Variants in ATP2C1 observed in about 807,000 individuals in gnomAD.
The protein encoded by ATP2C1 is calcium-transporting ATPase type 2C member 1.
ATP2C1 carries 31 observed loss-of-function variants against 120.5 expected under a neutral mutation model. That is an observed-to-expected ratio of 0.26 (90% CI 0.19 to 0.35). ATP2C1 has a LOEUF of 0.35. ATP2C1 is among the 10% of genes least tolerant of loss of function. ATP2C1 has a pLI of 1.00. For missense variants in ATP2C1, 731 were observed against 1,107.5 expected, an observed-to-expected ratio of 0.66 and a Z score of 4.83; for synonymous variants, 351 against 358.7, an observed-to-expected ratio of 0.98 and a Z score of 0.24.
chr3:130,914,926 C>A (rs1403425426), intron 2 of ATP2C1, among the ~76,000 whole-genome samples: 1 of 152,136 alleles, frequency 6.6e-6, no homozygotes, highest in African/African-American at 2.4e-5. Flanking sequence ...TGTTATAATA[C>A]AGAGCAAATA....
intron 1 of ATP2C1, among the ~76,000 whole-genome samples, chr3:130,874,864 C>T (rs1026296934): frequency 4.6e-5 from 7 of 152,116 alleles, no homozygotes; most frequent in East Asian, 1.9e-4. Flanking sequence ...TAGGACTCGC[C>T]GGAGTGTGAG....
intron 10 of ATP2C1, 45 bp from the exon 11 acceptor site, chr3:130,956,059 G>C (rs2060568410): frequency 7.4e-7 from 1 of 1,349,306 alleles, no homozygotes; most frequent in East Asian, 2.3e-5. Context: ...ATAAAGCTTA[G>C]TAAATATAGC....
At chr3:130,978,107 T>A (rs543937008) in intron 18 of ATP2C1, among the ~76,000 whole-genome samples, 1 of 152,256 alleles carries the variant, frequency 6.6e-6, no homozygotes, top group South Asian at 2.1e-4. Flanking sequence ...TTTGCTGACA[T>A]ATATTTTTGT....
At chr3:130,996,265 A>G (rs2062618289) in intron 23 of ATP2C1, 154 bp downstream of exon 23, 2 of 668,326 alleles carry the variant, frequency 3.0e-6, no homozygotes, top group African/African-American at 3.6e-5. Flanking sequence ...GTATTCTGAA[A>G]TTTTAAATGG....
chr3:130,990,378 C>T (rs980214137), intron 20 of ATP2C1, among the ~76,000 whole-genome samples: 1 of 147,378 alleles, frequency 6.8e-6, no homozygotes, highest in Non-Finnish European at 1.5e-5. Context: ...TACTATTTGA[C>T]AGAAGAGGGA....
At chr3:130,883,064 A>C (rs770155289) in intron 1 of ATP2C1, among the ~76,000 whole-genome samples, 3 of 152,136 alleles carry the variant, frequency 2.0e-5, no homozygotes, top group Non-Finnish European at 4.4e-5. Context: ...TTCATGGTTC[A>C]ATCTTGGTAG....
chr3:130,996,291 G>A, intron 23 of ATP2C1, 180 bp downstream of exon 23: 1 of 623,002 alleles, frequency 1.6e-6, no homozygotes, highest in Admixed American at 2.8e-5. Context: ...TAAATAGGTT[G>A]TAAATGTAAC....
chr3:130,976,773 A>G (rs1230059642), intron 18 of ATP2C1, among the ~76,000 whole-genome samples: 1 of 152,090 alleles, frequency 6.6e-6, no homozygotes, highest in Non-Finnish European at 1.5e-5. Context: ...CTGGGGCAGG[A>G]GGAATCTCTT....
chr3:130,938,695 T>C (rs1305114936), intron 6 of ATP2C1, among the ~76,000 whole-genome samples: 4 of 152,220 alleles, frequency 2.6e-5, no homozygotes, highest in African/African-American at 7.2e-5. Flanking sequence ...GGCTAACCAT[T>C]ATTCAAGGCA....
At chr3:130,900,044 C>G (rs1391498809) in intron 2 of ATP2C1, among the ~76,000 whole-genome samples, 1 of 151,492 alleles carries the variant, frequency 6.6e-6, no homozygotes, top group Non-Finnish European at 1.5e-5. Context: ...CCTTTTTTTT[C>G]CCTTTGTGCT....
intron 1 of ATP2C1, among the ~76,000 whole-genome samples, chr3:130,854,536 T>C (rs2067775378): frequency 6.6e-6 from 1 of 152,220 alleles, no homozygotes; most frequent in African/African-American, 2.4e-5. Flanking sequence ...TACTAGAGAC[T>C]CAGCAGCCTG....
intron 12 of ATP2C1, among the ~76,000 whole-genome samples, chr3:130,961,387 G>A (rs1448697816): frequency 6.6e-6 from 1 of 151,526 alleles, no homozygotes; most frequent in Admixed American, 6.6e-5. Context: ...ATTCTGTTTT[G>A]CAGTATGGAT....
chr3:130,899,595 A>G, intron 2 of ATP2C1: 1 of 152,178 alleles, frequency 6.6e-6, no homozygotes, highest in East Asian at 1.9e-4. Flanking sequence ...ATGTTGTTAA[A>G]GAGTCAACTG....
intron 2 of ATP2C1, among the ~76,000 whole-genome samples, chr3:130,896,103 G>C (rs1043418665): frequency 6.6e-6 from 1 of 152,138 alleles, no homozygotes; most frequent in African/African-American, 2.4e-5. Context: ...TCATATACTT[G>C]TTTCTTGGTA....
At chr3:131,004,129 G>A (rs922722192), downstream of ATP2C1, among the ~76,000 whole-genome samples, 3 of 152,106 alleles carry the variant, frequency 2.0e-5, no homozygotes, top group Non-Finnish European at 4.4e-5. Context: ...AAGTAAATAG[G>A]GATCTTTGCC....
chr3:130,967,491 T>A, intron 16 of ATP2C1, 72 bp downstream of exon 16: 1 of 1,268,186 alleles, frequency 7.9e-7, no homozygotes, highest in South Asian at 1.2e-5. Context: ...GTCATCAATT[T>A]CAGTATTACT....
At chr3:130,889,963 C>T (rs1235079127), upstream of ATP2C1, among the ~76,000 whole-genome samples, 4 of 152,098 alleles carry the variant, frequency 2.6e-5, no homozygotes, top group African/African-American at 9.7e-5. Flanking sequence ...TCTTAAAAAT[C>T]CCTTAAGTCC....
intron 2 of ATP2C1, among the ~76,000 whole-genome samples, chr3:130,914,062 C>T (rs1033085082): frequency 1.3e-5 from 2 of 152,170 alleles, no homozygotes; most frequent in East Asian, 1.9e-4. Flanking sequence ...TTCCCTCCTC[C>T]TCCTCCTCCT....
At chr3:130,934,754 A>T in intron 5 of ATP2C1, 43 bp downstream of exon 5, 1 of 1,310,646 alleles carries the variant, frequency 7.6e-7, no homozygotes, top group South Asian at 1.2e-5. Context: ...GAGTAAGTGT[A>T]TAAATTGGGA....
Sources: allele counts gnomAD v4.1 joint callset (sites outside exome capture counted in the v4.1 genomes callset), GRCh38; gene constraint gnomAD v4.1.1; transcripts MANE v1.5; gene names NCBI Gene and HGNC (gene_info 2026-07-23, HGNC 2026-07-21).